Variants in GRXCR1 observed in about 807,000 individuals in gnomAD.
GRXCR1 encodes the protein glutaredoxin and cysteine rich domain containing 1.
Under a neutral mutation model 27.3 loss-of-function variants are expected in GRXCR1, and 27 were observed. The observed-to-expected ratio is 0.99, with a 90% CI of 0.73 to 1.37. The LOEUF (loss-of-function observed/expected upper bound fraction) is 1.37. Ranked by LOEUF, GRXCR1 falls within the 40% of genes most tolerant of loss-of-function variation. The pLI, the probability that GRXCR1 is intolerant of heterozygous loss-of-function variation, is 0.00. For missense variants in GRXCR1, 379 were observed against 354.4 expected (o/e 1.07, Z -0.56); for synonymous variants, 122 against 131.1 (o/e 0.93, Z 0.47).
chr4:42,893,368 A>C lies in GRXCR1; in HGVS notation c.102A>C (p.Glu34Asp). Residue 34 changes from glutamate to aspartate, a missense_variant, in exon 1 of 4, where the codon GAA becomes GAC. Physicochemically the swap from Glu to Asp is conservative, Grantham distance 45 (BLOSUM62 2). Transcript: ENST00000399770. ...HSGRVLKEVYEDGQPSGSLDS... is the reference protein window; with the variant it reads ...HSGRVLKEVYDDGQPSGSLDS... ...GGCGAGTTCTGAAGGAAGTGTATGA[A>C]GATGGGCAACCGTCAGGCTCTCTGG... 6.2e-7 allele frequency: 1 copy of C among 1,613,854 alleles called. No homozygotes were observed.
chr4:42,986,518 G>A (rs1365972282), intron 2 of GRXCR1, among the ~76,000 whole-genome samples: 1 of 152,162 alleles, frequency 6.6e-6, no homozygotes, highest in Non-Finnish European at 1.5e-5. Flanking sequence ...GTGGTGCCCT[G>A]GAGATTTCTT....
intron 2 of GRXCR1, among the ~76,000 whole-genome samples, chr4:43,004,003 TG>T (rs796387349): frequency 6.6e-5 from 10 of 152,378 alleles, no homozygotes; most frequent in African/African-American, 2.4e-4. Flanking sequence ...CTTTACTGAC[TG>T]CCCCTCATAA....
intron 1 of GRXCR1, among the ~76,000 whole-genome samples, chr4:42,914,904 T>C (rs1044569500): frequency 6.6e-6 from 1 of 152,096 alleles, no homozygotes; most frequent in Non-Finnish European, 1.5e-5. Flanking sequence ...ATAAGGGGCT[T>C]CTCCCTTTGC....
Position 42,947,562 on chromosome 4 carries a change from G to A in GRXCR1, c.385-15330G>A, listed in dbSNP as rs563349943. ...TTGGGTTACTGATAAAATTGTACATGATAAAATCTGCCACTTAATGAGACT... is the reference window on the plus strand; with the variant it reads ...TTGGGTTACTGATAAAATTGTACATAATAAAATCTGCCACTTAATGAGACT... On this transcript the variant is annotated intron_variant, in intron 1 of 3. Transcript: ENST00000399770. 5.3e-5 allele frequency among the ~76,000 whole-genome samples: 8 copies of A among 152,232 alleles called. No individual in the cohort carries two copies. In the South Asian group the frequency reaches 1.7e-3, roughly 32 times the overall value.
chr4:42,942,922 T>C (rs536635516), intron 1 of GRXCR1, among the ~76,000 whole-genome samples: 2 of 152,234 alleles, frequency 1.3e-5, no homozygotes, highest in East Asian at 1.9e-4. Context: ...TTTGTAGATA[T>C]GATGCCATTA....
At chr4:42,980,876 A>G (rs757328657) in intron 2 of GRXCR1, among the ~76,000 whole-genome samples, 7 of 151,306 alleles carry the variant, frequency 4.6e-5, no homozygotes, top group Non-Finnish European at 1.0e-4. Flanking sequence ...AAATCTTTCA[A>G]TATTTCTTTA....
intron 1 of GRXCR1, among the ~76,000 whole-genome samples, chr4:42,910,924 C>T (rs918206125): frequency 1.3e-5 from 2 of 152,106 alleles, no homozygotes; most frequent in South Asian, 2.1e-4. Flanking sequence ...AGATGTGACT[C>T]TTTGCTGGAA....
chr4:42,912,347 C>A (rs1746740807), intron 1 of GRXCR1, among the ~76,000 whole-genome samples: 2 of 152,230 alleles, frequency 1.3e-5, no homozygotes, highest in South Asian at 4.1e-4. Context: ...TGAAGATAAT[C>A]AGGTGGAATT....
At chr4:42,941,205 A>G (rs1454023899) in intron 1 of GRXCR1, among the ~76,000 whole-genome samples, 5 of 152,030 alleles carry the variant, frequency 3.3e-5, no homozygotes, top group Non-Finnish European at 7.4e-5. Context: ...AGGTCCCTAG[A>G]TAAGAGCCTG....
chr4:42,988,257 A>G (rs1190319939), intron 2 of GRXCR1, among the ~76,000 whole-genome samples: 1 of 152,192 alleles, frequency 6.6e-6, no homozygotes, highest in Non-Finnish European at 1.5e-5. Context: ...TCAGATTTTT[A>G]TAATGCAAAA....
intron 2 of GRXCR1, among the ~76,000 whole-genome samples, chr4:42,984,284 A>G (rs550092010): frequency 6.6e-6 from 1 of 151,790 alleles, no homozygotes; most frequent in Non-Finnish European, 1.5e-5. Context: ...GTCACTTTTT[A>G]TTTTTCTCAT....
intron 1 of GRXCR1, among the ~76,000 whole-genome samples, chr4:42,952,422 C>T (rs948787482): frequency 6.6e-6 from 1 of 151,994 alleles, no homozygotes; most frequent in Non-Finnish European, 1.5e-5. Flanking sequence ...CACAAAGCAC[C>T]AACAAAGCTG....
chr4:42,938,375 A>T (rs1045309632), intron 1 of GRXCR1, among the ~76,000 whole-genome samples: 4 of 152,078 alleles, frequency 2.6e-5, no homozygotes, highest in Admixed American at 1.3e-4. Flanking sequence ...TATTGTGAAT[A>T]GTGCTACAAC....
intron 2 of GRXCR1, among the ~76,000 whole-genome samples, chr4:42,966,738 T>C (rs953636938): frequency 1.3e-5 from 2 of 152,116 alleles, no homozygotes; most frequent in African/African-American, 2.4e-5. Flanking sequence ...GCCATTCTAA[T>C]AGATGTGTAG....
chr4:42,935,291 G>A (rs1242238390), intron 1 of GRXCR1, among the ~76,000 whole-genome samples: 1 of 151,842 alleles, frequency 6.6e-6, no homozygotes, highest in Non-Finnish European at 1.5e-5. Context: ...AGCACCAAGA[G>A]ATAGGAAAAA....
intron 2 of GRXCR1, among the ~76,000 whole-genome samples, chr4:43,000,042 G>A (rs184674934): frequency 1.5e-4 from 23 of 152,260 alleles, no homozygotes; most frequent in Non-Finnish European, 3.1e-4. Context: ...CCAGAAATAA[G>A]CAATTCATAA....
intron 1 of GRXCR1, among the ~76,000 whole-genome samples, chr4:42,955,221 T>C (rs912362500): frequency 6.6e-6 from 1 of 151,982 alleles, no homozygotes; most frequent in East Asian, 1.9e-4. Context: ...TGCCTTTATG[T>C]ATAGGAAAAA....
chr4:42,987,277 T>TATAGAG (rs1553943958), intron 2 of GRXCR1, among the ~76,000 whole-genome samples: 10 of 104,262 alleles, frequency 9.6e-5, no homozygotes, highest in African/African-American at 3.3e-4. Flanking sequence ...TATATATATA[T>TATAGAG]AGAGAGAGAG....
intron 1 of GRXCR1, among the ~76,000 whole-genome samples, chr4:42,919,316 A>T (rs570727568): frequency 1.7e-3 from 258 of 151,854 alleles, no homozygotes; most frequent in African/African-American, 5.5e-3. Flanking sequence ...CCTCATATCT[A>T]CTCTTTTATT....
Sources: allele counts gnomAD v4.1 joint callset (sites outside exome capture counted in the v4.1 genomes callset), GRCh38; gene constraint gnomAD v4.1.1; transcripts MANE v1.5; gene names NCBI Gene and HGNC (gene_info 2026-07-23, HGNC 2026-07-21).